Variants in WASF2 observed in about 807,000 individuals in gnomAD.
The protein encoded by WASF2 is WASP family member 2.
WASF2 carries 14 observed loss-of-function variants against 45.0 expected under a neutral mutation model. That is an observed-to-expected ratio of 0.31 (90% CI 0.21 to 0.49). The LOEUF (loss-of-function observed/expected upper bound fraction) is 0.49. WASF2 is among the 20% of genes least tolerant of loss of function. The pLI is 0.99. For synonymous variants in WASF2, 200 were observed against 236.3 expected (o/e 0.85, Z 1.41); for missense variants, 439 against 636.1 (o/e 0.69, Z 3.33).
chr1:27,417,034 T>C (rs1256365553), intron 4 of WASF2, among the ~76,000 whole-genome samples: 2 of 152,198 alleles, frequency 1.3e-5, no homozygotes, highest in Non-Finnish European at 2.9e-5. Context: ...ATAATTTCTA[T>C]ATTAAATCTT....
At chr1:27,467,632 G>A (rs566289942) in intron 1 of WASF2, among the ~76,000 whole-genome samples, 3 of 151,350 alleles carry the variant, frequency 2.0e-5, no homozygotes, top group East Asian at 4.0e-4. Flanking sequence ...ATGAATTTCC[G>A]GGGGGCGCAG....
chr1:27,442,381 TAAAAATAC>T (rs2017249332), intron 1 of WASF2, among the ~76,000 whole-genome samples: 1 of 150,550 alleles, frequency 6.6e-6, no homozygotes, highest in South Asian at 2.1e-4. Context: ...CCGTCTCTAC[TAAAAATAC>T]AAAACTTAGC....
At chr1:27,478,863 C>T (rs1214470459) in intron 1 of WASF2, among the ~76,000 whole-genome samples, 4 of 152,080 alleles carry the variant, frequency 2.6e-5, no homozygotes, top group Non-Finnish European at 5.9e-5. Flanking sequence ...GGATTACAGG[C>T]GTGAGCCACT....
chr1:27,439,386 C>T (rs1462843535), intron 1 of WASF2, among the ~76,000 whole-genome samples: 1 of 152,008 alleles, frequency 6.6e-6, no homozygotes, highest in African/African-American at 2.4e-5. Flanking sequence ...TAGCACATGC[C>T]CTGTTCTAAA....
At chr1:27,468,803 A>T (rs1365514761) in intron 1 of WASF2, among the ~76,000 whole-genome samples, 2 of 151,852 alleles carry the variant, frequency 1.3e-5, no homozygotes, top group African/African-American at 4.8e-5. Flanking sequence ...AACATGGTGA[A>T]ACCCCGTCTC....
At chr1:27,419,155 T>C (rs2016867727) in intron 2 of WASF2, 67 bp from the exon 3 acceptor site, 3 of 1,583,098 alleles carry the variant, frequency 1.9e-6, no homozygotes, top group Non-Finnish European at 2.6e-6. Flanking sequence ...AAAAACTGGC[T>C]ACTAAAGATC....
At chr1:27,433,974 T>G (rs1466579140) in intron 1 of WASF2, among the ~76,000 whole-genome samples, 4 of 152,218 alleles carry the variant, frequency 2.6e-5, no homozygotes, top group Admixed American at 6.5e-5. Flanking sequence ...AGACATCTTT[T>G]ACTTTGATTA....
chr1:27,432,786 C>T (rs2017084290), intron 1 of WASF2, among the ~76,000 whole-genome samples: 1 of 151,902 alleles, frequency 6.6e-6, no homozygotes, highest in African/African-American at 2.4e-5. Flanking sequence ...ACTCTGTCAC[C>T]CAGGCCTCAC....
Position 27,490,149 on chromosome 1 carries a change from G to C in WASF2, c.-207C>G, listed in dbSNP as rs1346655667. ...TCGCCCTGCCTGTGTCCGCCATTAC[G>C]CGATTCCCCGCCCTGGGCGGCAGCC... On this transcript the variant is annotated 5_prime_UTR_variant, in exon 1 of 9. Transcript: ENST00000618852. 1 of 152,372 alleles carries C rather than the reference G, an allele frequency of 6.6e-6. No individual in the cohort carries two copies. Among genetic ancestry groups the C allele is most frequent in the East Asian group, 1.9e-4 (1 of 5,198 alleles). The allele number at this position is 152,372 out of a possible 1,614,324, so 9.4% of individuals were successfully genotyped here. A position where few individuals can be genotyped will look rare whatever the true frequency, so the allele number is the denominator to read the frequency against.
chr1:27,433,971 T>G (rs1240444913), intron 1 of WASF2, among the ~76,000 whole-genome samples: 4 of 152,212 alleles, frequency 2.6e-5, no homozygotes, highest in Admixed American at 1.3e-4. Flanking sequence ...TTCAGACATC[T>G]TTTACTTTGA....
chr1:27,473,471 A>G lies in WASF2; in HGVS notation c.-44+16515T>C, dbSNP rs535953186. 4.6e-3 allele frequency among the ~76,000 whole-genome samples: 701 copies of G among 151,460 alleles called. 8 individuals are homozygous for G. In the South Asian group the frequency reaches 0.051, roughly 11 times the overall value. Reference sequence around the variant, plus strand: ...CTCCATGGCCAAAAAAAAAAAAAAAAAAAGAAAGAAAAAAAAAGTTACATT... The same window carrying G: ...CTCCATGGCCAAAAAAAAAAAAAAAGAAAGAAAGAAAAAAAAAGTTACATT... On this transcript the variant is annotated intron_variant, in intron 1 of 8. Transcript: ENST00000618852.
intron 2 of WASF2, among the ~76,000 whole-genome samples, chr1:27,425,428 C>T (rs371075824): frequency 1.4e-4 from 21 of 149,752 alleles, no homozygotes; most frequent in African/African-American, 2.2e-4. Flanking sequence ...GAAGGCTGGG[C>T]GTGGTGGATC....
In WASF2 at chr1:27,480,813, C is replaced by T. The variant is rs1289699660; in HGVS notation, c.-44+9173G>A. On this transcript the variant is annotated intron_variant, in intron 1 of 8. Transcript: ENST00000618852. Reference sequence around the variant, plus strand: ...GTGGAGGTCAGGAGATCGAGACCATCCTGGCTAACACGGTGAAACCCCGTC... The same window carrying T: ...GTGGAGGTCAGGAGATCGAGACCATTCTGGCTAACACGGTGAAACCCCGTC... Among the ~76,000 whole-genome samples, 3 of 152,054 alleles carry T rather than the reference C, an allele frequency of 2.0e-5. No individual in the cohort carries two copies. The East Asian group carries it at 5.8e-4, about 29-fold the overall frequency.
At chr1:27,425,046 G>C (rs2016959058) in intron 2 of WASF2, among the ~76,000 whole-genome samples, 1 of 152,200 alleles carries the variant, frequency 6.6e-6, no homozygotes, top group Admixed American at 6.5e-5. Context: ...TCTGTCTCAG[G>C]AGAATTACTA....
At chr1:27,461,088 G>A (rs2017537938) in intron 1 of WASF2, among the ~76,000 whole-genome samples, 3 of 152,126 alleles carry the variant, frequency 2.0e-5, no homozygotes, top group Non-Finnish European at 4.4e-5. Flanking sequence ...GGAGCTTGCA[G>A]GGAGCAGAGA....
Position 27,487,773 on chromosome 1 carries a change from T to G in WASF2, c.-44+2213A>C, listed in dbSNP as rs886958332. On this transcript the variant is annotated intron_variant, in intron 1 of 8. Coordinates refer to ENST00000618852, the MANE Select transcript of WASF2 (RefSeq NM_006990.5). ...TATATAATGTATATTATATATTATA[T>G]ATTTATTTTATATTCTTATTATGTT... 2.2e-5 allele frequency among the ~76,000 whole-genome samples: 3 copies of G among 134,264 alleles called. No individual in the cohort carries two copies. In the South Asian group the frequency reaches 6.4e-4, roughly 29 times the overall value. The allele number at this position is 134,264 out of a possible 152,430, so 88.1% of individuals were successfully genotyped here. A position where few individuals can be genotyped will look rare whatever the true frequency, so the allele number is the denominator to read the frequency against.
chr1:27,489,578 T>C (rs2018000830), intron 1 of WASF2, among the ~76,000 whole-genome samples: 1 of 152,062 alleles, frequency 6.6e-6, no homozygotes, highest in Non-Finnish European at 1.5e-5. Flanking sequence ...GGGGAAGAAC[T>C]TGTCCAAGAT....
At chr1:27,478,315 A>C (rs1216183471) in intron 1 of WASF2, among the ~76,000 whole-genome samples, 1 of 152,236 alleles carries the variant, frequency 6.6e-6, no homozygotes, top group Non-Finnish European at 1.5e-5. Context: ...AGAATAAGCA[A>C]ATTAGTAGCT....
chr1:27,435,343 T>TG (rs1557604432), intron 1 of WASF2, among the ~76,000 whole-genome samples: 1 of 152,082 alleles, frequency 6.6e-6, no homozygotes, highest in Non-Finnish European at 1.5e-5. Context: ...CCCAACACTT[T>TG]GGGAGCTGAG....
Sources: allele counts gnomAD v4.1 joint callset (sites outside exome capture counted in the v4.1 genomes callset), GRCh38; gene constraint gnomAD v4.1.1; transcripts MANE v1.5; gene names NCBI Gene and HGNC (gene_info 2026-07-23, HGNC 2026-07-21).